The following CAMKMT variants were observed in gnomAD, a reference collection of about 807,000 sequenced individuals.
The protein encoded by CAMKMT is CaM KMT.
CAMKMT carries 53 observed loss-of-function variants against 48.0 expected under a neutral mutation model. The ratio of observed to expected loss-of-function variants is 1.10; its 90% CI spans 0.89 to 1.39. The LOEUF is 1.39. Among genes scored for constraint, CAMKMT ranks in the 40% most tolerant of loss-of-function variants. The probability of loss-of-function intolerance (pLI) is 0.00; values close to 1 mark genes in which losing one functional copy is unlikely to be tolerated. For missense variants in CAMKMT, 428 were observed against 402.7 expected (o/e 1.06, Z -0.54); for synonymous variants, 165 against 152.3 (o/e 1.08, Z -0.61).
At chr2:44,517,805 C>T (rs1670908666) in intron 3 of CAMKMT, among the ~76,000 whole-genome samples, 1 of 152,224 alleles carries the variant, frequency 6.6e-6, no homozygotes, top group African/African-American at 2.4e-5. Context: ...ATCTCTATCA[C>T]ACCTATTACT....
rs75181954 is a variant in CAMKMT, at chr2:44,763,459, T to A, written c.763-2971T>A. Among the ~76,000 whole-genome samples the A allele has an allele frequency of 2.3e-3, 354 of 152,328 alleles. 6 individuals are homozygous for A. In the East Asian group the frequency reaches 0.026, roughly 11 times the overall value. Reference sequence around the variant, plus strand: ...CTTCTGGATTTAGTTTATTGTCTCATCAAATATTGACTGAGTGCTTACTAT... The same window carrying A: ...CTTCTGGATTTAGTTTATTGTCTCAACAAATATTGACTGAGTGCTTACTAT... On this transcript the variant is annotated intron_variant, in intron 9 of 10. Coordinates refer to ENST00000378494, the MANE Select transcript of CAMKMT (RefSeq NM_024766.5).
intron 3 of CAMKMT, among the ~76,000 whole-genome samples, chr2:44,400,260 T>A (rs1304217773): frequency 6.6e-6 from 1 of 152,190 alleles, no homozygotes; most frequent in East Asian, 1.9e-4. Context: ...ATTTTTTATT[T>A]AGGTAATACA....
intron 3 of CAMKMT, among the ~76,000 whole-genome samples, chr2:44,648,567 AT>A (rs1673882183): frequency 6.6e-6 from 1 of 152,242 alleles, no homozygotes; most frequent in African/African-American, 2.4e-5. Flanking sequence ...CAATAAAATC[AT>A]TTCTTAAACT....
intron 2 of CAMKMT, among the ~76,000 whole-genome samples, chr2:44,388,226 G>A (rs1680966696): frequency 6.6e-6 from 1 of 151,938 alleles, no homozygotes; most frequent in African/African-American, 2.4e-5. Flanking sequence ...TCTCTTTGTT[G>A]GATTGGGTTA....
At position 44,768,363 on chromosome 2, in the gene CAMKMT, T is replaced by TATATATATATA. The variant is rs1558844484; in HGVS notation, c.894+1802_894+1803insATATATATATA. Reference sequence around the variant, plus strand: ...CCATGATATATATATATATATATATTTTTTTTTTTTTTTTAATAATGAGAG... The same window carrying TATATATATATA: ...CCATGATATATATATATATATATATTATATATATATATTTTTTTTTTTTTTAATAATGAGAG... On this transcript the variant is annotated intron_variant, in intron 10 of 10. Coordinates refer to ENST00000378494, the MANE Select transcript of CAMKMT (RefSeq NM_024766.5). Among the ~76,000 whole-genome samples, 494 of 71,814 alleles carry TATATATATATA rather than the reference T, an allele frequency of 6.9e-3. 1 individual carries two copies. Among genetic ancestry groups the TATATATATATA allele is most frequent in the Non-Finnish European group, 9.1e-3 (323 of 35,592 alleles). The allele number at this position is 71,814 out of a possible 152,430, so 47.1% of individuals were successfully genotyped here.
chr2:44,587,009 T>C (rs1297212754), intron 3 of CAMKMT, among the ~76,000 whole-genome samples: 1 of 152,250 alleles, frequency 6.6e-6, no homozygotes, highest in African/African-American at 2.4e-5. Flanking sequence ...TAGAATCTCA[T>C]TGTGGTTTTA....
At chr2:44,530,289 A>G (rs1390618895) in intron 3 of CAMKMT, among the ~76,000 whole-genome samples, 1 of 152,244 alleles carries the variant, frequency 6.6e-6, no homozygotes, top group African/African-American at 2.4e-5. Flanking sequence ...GTTATATAGC[A>G]TATCAATAAC....
intron 3 of CAMKMT, among the ~76,000 whole-genome samples, chr2:44,617,637 C>T (rs1407368208): frequency 6.6e-6 from 1 of 152,212 alleles, no homozygotes; most frequent in Non-Finnish European, 1.5e-5. Context: ...GATGGGCTCA[C>T]TGAGCCATAT....
chr2:44,369,298 T>C (rs1007075435), intron 1 of CAMKMT, among the ~76,000 whole-genome samples: 1 of 152,226 alleles, frequency 6.6e-6, no homozygotes, highest in Admixed American at 6.5e-5. Flanking sequence ...AACTTCTACA[T>C]AGTATATAAA....
rs1679316374 is a variant in CAMKMT at position 44,372,837 on chromosome 2, C to T, written c.260C>T (p.Ala87Val). The T allele has an allele frequency of 1.2e-6, 2 of 1,613,766 alleles. No homozygotes were observed. Among genetic ancestry groups the T allele is most frequent in the African/African-American group, 2.7e-5 (2 of 74,904 alleles). ...KERETEEEVG[A>V]WVQYTSIFCP... ...AGGGAAACTGAAGAGGAGGTTGGTG[C>T]ATGGGTCCAATATACAAGCATCTTC... Residue 87 changes from alanine (A) to valine (V), a missense_variant, in exon 2 of 11, where the codon GCA (alanine) becomes GTA (valine). By Grantham distance (64) the Ala-to-Val change is moderately conservative. Coordinates refer to ENST00000378494, the MANE Select transcript of CAMKMT (RefSeq NM_024766.5).
At chr2:44,746,666 T>C (rs1220372599) in intron 8 of CAMKMT, among the ~76,000 whole-genome samples, 2 of 152,234 alleles carry the variant, frequency 1.3e-5, no homozygotes, top group African/African-American at 4.8e-5. Context: ...GGTGCAGCCA[T>C]ACCTGCAAAA....
At chr2:44,367,792 A>G (rs1459557677) in intron 1 of CAMKMT, among the ~76,000 whole-genome samples, 1 of 152,250 alleles carries the variant, frequency 6.6e-6, no homozygotes, top group Non-Finnish European at 1.5e-5. Flanking sequence ...TTCTCTAGAA[A>G]TGTATCTATC....
At chr2:44,433,630 A>G (rs147189168) in intron 3 of CAMKMT, among the ~76,000 whole-genome samples, 1,920 of 152,288 alleles carry the variant, frequency 0.013, 40 homozygotes, top group African/African-American at 0.044. Flanking sequence ...TGCTGACCCT[A>G]AACTGTTGAT....
At chr2:44,444,648 G>A (rs1666872750) in intron 3 of CAMKMT, among the ~76,000 whole-genome samples, 1 of 152,186 alleles carries the variant, frequency 6.6e-6, no homozygotes, top group South Asian at 2.1e-4. Flanking sequence ...ATACATGTGT[G>A]TGTAAAAATC....
At chr2:44,673,471 G>GAGGA (rs201284067) in intron 3 of CAMKMT, among the ~76,000 whole-genome samples, 22,831 of 116,550 alleles carry the variant, frequency 0.2, 2,684 homozygotes, top group Non-Finnish European at 0.26. Context: ...GAAAGAGAGA[G>GAGGA]AGGAAGGAAG....
In CAMKMT at chr2:44,736,769, G is replaced by A. The variant is rs577603969; in HGVS notation, c.624-6853G>A. Reference sequence around the variant, plus strand: ...CAAGTTCACTAGTCTTCTCTTTTGCGGTGTCTAATCTGCTGTTAATCTTAT... The same window carrying A: ...CAAGTTCACTAGTCTTCTCTTTTGCAGTGTCTAATCTGCTGTTAATCTTAT... On this transcript the variant is annotated intron_variant, in intron 7 of 10. Coordinates refer to ENST00000378494, the MANE Select transcript of CAMKMT (RefSeq NM_024766.5). Among the ~76,000 whole-genome samples the A allele has an allele frequency of 2.5e-4, 38 of 151,974 alleles. No homozygotes were observed. In the East Asian group the frequency reaches 2.5e-3, roughly 10 times the overall value.
At chr2:44,493,637 A>G (rs562603610) in intron 3 of CAMKMT, among the ~76,000 whole-genome samples, 27 of 152,302 alleles carry the variant, frequency 1.8e-4, no homozygotes, top group African/African-American at 6.3e-4. Context: ...GCCTGTTGCC[A>G]TTGACTTTTC....
At chr2:44,375,127 T>G (rs1215941647) in intron 2 of CAMKMT, among the ~76,000 whole-genome samples, 2 of 151,934 alleles carry the variant, frequency 1.3e-5, no homozygotes, top group East Asian at 3.9e-4. Context: ...TGAGACCCCT[T>G]TAGGGATTAC....
intron 1 of CAMKMT, among the ~76,000 whole-genome samples, chr2:44,370,320 G>A (rs1392886552): frequency 5.3e-5 from 8 of 152,214 alleles, no homozygotes; most frequent in South Asian, 2.1e-4. Context: ...TTTCTTTGTG[G>A]TAAGTTTTAT....
Sources: allele counts gnomAD v4.1 joint callset (sites outside exome capture counted in the v4.1 genomes callset), GRCh38; gene constraint gnomAD v4.1.1; transcripts MANE v1.5; gene names NCBI Gene and HGNC (gene_info 2026-07-23, HGNC 2026-07-21).